Variants in KCTD19 observed in about 807,000 individuals in gnomAD.
KCTD19 encodes BTB/POZ domain-containing protein KCTD19.
KCTD19 carries 67 observed loss-of-function variants against 103.5 expected under a neutral mutation model. The observed-to-expected ratio is 0.65, with a 90% CI of 0.53 to 0.79. KCTD19 has a LOEUF of 0.79. Among genes scored for constraint, KCTD19 ranks in the 30% least tolerant of loss-of-function variants. The pLI is 0.00. For missense variants in KCTD19, 980 were observed against 1,136.1 expected (o/e 0.86, Z 1.98); for synonymous variants, 439 against 452.2 (o/e 0.97, Z 0.37).
At chr16:67,312,350 G>T (rs2036958406) in intron 2 of KCTD19, among the ~76,000 whole-genome samples, 1 of 152,182 alleles carries the variant, frequency 6.6e-6, no homozygotes. Flanking sequence ...ATTTAGGTAA[G>T]GTGGCCTTCC....
intron 1 of KCTD19, among the ~76,000 whole-genome samples, chr16:67,321,379 T>G (rs2037071105): frequency 6.6e-6 from 1 of 152,154 alleles, no homozygotes. Flanking sequence ...ATGAAATACA[T>G]GTGCACTGGA....
In KCTD19 at chr16:67,321,628, G is replaced by A. The variant is rs1358611616; in HGVS notation, c.4-743C>T. 3.9e-5 allele frequency: 6 copies of A among 151,976 alleles called. No homozygotes were observed. The South Asian group carries it at 8.3e-4, about 21-fold the overall frequency. 9.4% of individuals were successfully genotyped at this position (151,976 alleles called of 1,614,324 possible). On this transcript the variant is annotated intron_variant, in intron 1 of 15. Transcript: ENST00000304372. ...AAAACAGTCTTGAAAAAAGGAGAAC[G>A]TTTAAGAAGTCACATTTCCCACTTT...
intron 1 of KCTD19, among the ~76,000 whole-genome samples, chr16:67,322,175 C>T (rs2037081624): frequency 6.6e-6 from 1 of 152,058 alleles, no homozygotes; most frequent in African/African-American, 2.4e-5. Flanking sequence ...AAAAATGGTG[C>T]TGGGACAACT....
chr16:67,326,589 C>A, intron 1 of KCTD19, 116 bp downstream of exon 1: 2 of 1,419,012 alleles, frequency 1.4e-6, no homozygotes, highest in South Asian at 1.3e-5. Context: ...GGGCCCCTCG[C>A]TCTCTCCCAT....
chr16:67,294,605 A>G lies in KCTD19; in HGVS notation c.1565T>C (p.Val522Ala). The part of the protein sequence containing the change: ...HVVTEGPGSL[V>A]EFSRDTKETT... Reference sequence around the variant, plus strand: ...TTCTTTAGTGTCTCTACTGAACTCCACCAGTGACCCTGGCCCTTCTGTCAC... The same window carrying G: ...TTCTTTAGTGTCTCTACTGAACTCCGCCAGTGACCCTGGCCCTTCTGTCAC... The change falls in exon 11 of 16, where the codon GTG (valine) becomes GCG (alanine). Residue 522 changes from valine (V) to alanine (A), a missense_variant. Val to Ala is a moderately conservative substitution (Grantham distance 64). Transcript: ENST00000304372. 6.2e-7 allele frequency: 1 copy of G among 1,613,686 alleles called. No homozygotes were observed. The highest frequency in any genetic ancestry group is 8.5e-7 in the Non-Finnish European group (1 of 1,179,550).
At chr16:67,306,799 T>G (rs2036898119) in intron 2 of KCTD19, among the ~76,000 whole-genome samples, 1 of 152,210 alleles carries the variant, frequency 6.6e-6, no homozygotes, top group African/African-American at 2.4e-5. Context: ...GGCTTTGAAC[T>G]CAGCATATCT....
rs754795470 is a variant in KCTD19, at chr16:67,326,651, C to T, written c.3+54G>A. The T allele has an allele frequency of 9.6e-6, 15 of 1,562,810 alleles. No individual in the cohort carries two copies. The East Asian group carries it at 3.2e-4, about 33-fold the overall frequency. On this transcript the variant is annotated intron_variant, in intron 1 of 15. Transcript: ENST00000304372. ...TAGCCCCAATCCTTGGCCACAGCGGCCCCCATTCGCCGCTTTGGTGCTTTT... is the reference window on the plus strand; with the variant it reads ...TAGCCCCAATCCTTGGCCACAGCGGTCCCCATTCGCCGCTTTGGTGCTTTT...
In KCTD19 at chr16:67,301,911, G is replaced by A. The variant is rs774796070; in HGVS notation, c.655C>T (p.Arg219Cys). ...SEFRFIVNFL[R>C]SQKILLPDNF... Reference sequence around the variant, plus strand: ...TCCGGTAGTAAAATCTTCTGTGAGCGAAGAAAATTCACTTGAAAAACAAAG... The same window carrying A: ...TCCGGTAGTAAAATCTTCTGTGAGCAAAGAAAATTCACTTGAAAAACAAAG... The change falls in exon 5 of 16, where the codon CGC (arginine) becomes TGC (cysteine). Residue 219 changes from arginine to cysteine, a missense_variant. Physicochemically the swap from Arg to Cys is radical, Grantham distance 180 (BLOSUM62 -3). Transcript: ENST00000304372. 4.0e-5 allele frequency: 64 copies of A among 1,613,698 alleles called. No individual in the cohort carries two copies. Among genetic ancestry groups the A allele is most frequent in the Middle Eastern group, 1.6e-4 (1 of 6,082 alleles).
intron 1 of KCTD19, 123 bp downstream of exon 1, chr16:67,326,581 GC>G (rs1482282936): frequency 3.0e-6 from 4 of 1,339,272 alleles, no homozygotes; most frequent in Non-Finnish European, 4.0e-6. Flanking sequence ...CCGGCTGGGG[GC>G]CCCTCGCTCT....
chr16:67,319,257 C>T (rs888882235), intron 2 of KCTD19, among the ~76,000 whole-genome samples: 3 of 151,860 alleles, frequency 2.0e-5, no homozygotes, highest in Non-Finnish European at 2.9e-5. Flanking sequence ...TTTCTGATTT[C>T]CAAATATAGA....
intron 1 of KCTD19, 161 bp downstream of exon 1, chr16:67,326,544 C>T: frequency 1.1e-6 from 1 of 893,594 alleles, no homozygotes; most frequent in South Asian, 1.6e-5. Flanking sequence ...TATTCTAACT[C>T]CTCAGAGCCA....
At position 67,293,776 on chromosome 16, in the gene KCTD19, G is replaced by A. The variant is rs780283089; in HGVS notation, c.1986C>T (p.Pro662=). ...GGAGCTGCAGGGTGGCCTCCTCCAA[G>A]GGGCTGCTCCGTGTGGCTGTCAGTG... is the stretch of plus-strand genomic sequence containing the variant. ...FQPLTATRSS[P]LEEATLQLPL... Residue 662 remains proline, a synonymous_variant, in exon 12 of 16, where the codon CCC becomes CCT. Transcript: ENST00000304372. The surrounding 1 kb of genome is among the most constrained non-coding windows in gnomAD (Gnocchi z 4.0). The A allele has an allele frequency of 3.1e-6, 5 of 1,613,752 alleles. No homozygotes were observed. Among genetic ancestry groups the A allele is most frequent in the Middle Eastern group, 1.6e-4 (1 of 6,084 alleles).
chr16:67,308,336 T>C (rs556195341), intron 2 of KCTD19, among the ~76,000 whole-genome samples: 2 of 152,116 alleles, frequency 1.3e-5, no homozygotes, highest in African/African-American at 4.8e-5. Flanking sequence ...CATTAACTTT[T>C]TGATTTTTTG....
At chr16:67,294,738 T>C (rs2036745039) in intron 10 of KCTD19, 44 bp from the exon 11 acceptor site, 1 of 1,379,896 alleles carries the variant, frequency 7.2e-7, no homozygotes, top group East Asian at 2.3e-5. Context: ...GAGACTTCCA[T>C]CAGGCCATTG....
rs374429770 is a variant in KCTD19 at position 67,297,573 on chromosome 16, G to C, written c.1077C>G (p.Thr359=). 3.1e-5 allele frequency: 50 copies of C among 1,614,006 alleles called. No individual in the cohort carries two copies. Among genetic ancestry groups the C allele is most frequent in the Non-Finnish European group, 4.1e-5 (48 of 1,180,032 alleles). Residue 359 remains threonine (T), a synonymous_variant, in exon 7 of 16, where the codon ACC becomes ACG. Transcript: ENST00000304372. ...LCAFLDKRDI[T]YEPIKVALKT... is the part of the protein sequence containing the mutation. ...TCAAAGCAACTTTGATTGGCTCGTA[G>C]GTGATGTCCCTTTTGTCTAGGAAGG...
Position 67,296,208 on chromosome 16 carries a change from A to G in KCTD19, c.1199T>C (p.Val400Ala), listed in dbSNP as rs770925658. ...TVYSPQQIIKVYVGSHWYATT... is the reference protein window; with the variant it reads ...TVYSPQQIIKAYVGSHWYATT... ...TGCGTACCAGTGGCTTCCAACATACACTTTGATGATCTGTTGTGGGGAATA... is the reference window on the plus strand; with the variant it reads ...TGCGTACCAGTGGCTTCCAACATACGCTTTGATGATCTGTTGTGGGGAATA... Residue 400 changes from valine (V) to alanine (A), a missense_variant, in exon 8 of 16, where the codon GTG becomes GCG. By Grantham distance (64) the Val-to-Ala change is moderately conservative (BLOSUM62 0). Coordinates refer to ENST00000304372, the MANE Select transcript of KCTD19 (RefSeq NM_001100915.3). 6.2e-7 allele frequency: 1 copy of G among 1,613,786 alleles called. No individual in the cohort carries two copies. Among genetic ancestry groups the G allele is most frequent in the African/African-American group, 1.3e-5 (1 of 74,994 alleles).
chr16:67,293,146 C>T lies in KCTD19; in HGVS notation c.2218+398G>A, dbSNP rs940109207. On this transcript the variant is annotated intron_variant, in intron 12 of 15. Transcript: ENST00000304372. This position sits in a 1 kb window ranked among gnomAD's most constrained non-coding sequence, Gnocchi z 4.0. ...AGTACCACGTCCTGAAGCTGGCCCACGAGGCCTGTCCTTATGACTTCTGTC... is the reference window on the plus strand; with the variant it reads ...AGTACCACGTCCTGAAGCTGGCCCATGAGGCCTGTCCTTATGACTTCTGTC... 2.6e-5 allele frequency among the ~76,000 whole-genome samples: 4 copies of T among 152,210 alleles called. No individual in the cohort carries two copies. Among genetic ancestry groups the T allele is most frequent in the Admixed American group, 6.5e-5 (1 of 15,276 alleles).
At chr16:67,309,855 A>C (rs16957311) in intron 2 of KCTD19, among the ~76,000 whole-genome samples, 1 of 152,154 alleles carries the variant, frequency 6.6e-6, no homozygotes, top group Non-Finnish European at 1.5e-5. Flanking sequence ...AGAATGATCT[A>C]TTTTGCAGAA....
At chr16:67,290,167 CTTTTTTTTTTTTTTT>C (rs11296444) in intron 15 of KCTD19, among the ~76,000 whole-genome samples, 2 of 69,284 alleles carry the variant, frequency 2.9e-5, no homozygotes, top group African/African-American at 1.2e-4. Flanking sequence ...TGAATATTTT[CTTTTTTTTTTTTTTT>C]TTTTTTTTTT....
Sources: allele counts gnomAD v4.1 joint callset (sites outside exome capture counted in the v4.1 genomes callset), GRCh38; gene constraint gnomAD v4.1.1; non-coding constraint Gnocchi (gnomAD v3.1); transcripts MANE v1.5; gene names NCBI Gene and HGNC (gene_info 2026-07-23, HGNC 2026-07-21).